Variants in AKAP6 observed in about 807,000 individuals in gnomAD.
AKAP6 encodes the protein A-kinase anchoring protein 6.
A neutral mutation model predicts 188.5 loss-of-function variants in AKAP6; 58 were observed. The observed-to-expected ratio is 0.31, with a 90% confidence interval of 0.25 to 0.38. The LOEUF (loss-of-function observed/expected upper bound fraction) is 0.38. Ranked by LOEUF, AKAP6 falls within the 10% of genes least tolerant of loss-of-function variation. AKAP6 has a pLI of 1.00. For synonymous variants in AKAP6, 989 were observed against 998.6 expected, an observed-to-expected ratio of 0.99 and a Z score of 0.18; for missense variants, 2,710 against 2,740.0, an observed-to-expected ratio of 0.99 and a Z score of 0.24.
chr14:32,515,297 G>A (rs1418474953), intron 2 of AKAP6, among the ~76,000 whole-genome samples: 1 of 152,000 alleles, frequency 6.6e-6, no homozygotes, highest in Admixed American at 6.6e-5. Flanking sequence ...ATCTCCACCC[G>A]GCCCCACCTT....
At chr14:32,726,025 A>C (rs1594885813) in intron 9 of AKAP6, among the ~76,000 whole-genome samples, 2 of 152,294 alleles carry the variant, frequency 1.3e-5, no homozygotes, top group African/African-American at 4.8e-5. Context: ...GACTGCCACA[A>C]AATTGCTAGA....
chr14:32,623,200 A>G (rs1886884116), intron 7 of AKAP6, among the ~76,000 whole-genome samples: 1 of 152,164 alleles, frequency 6.6e-6, no homozygotes, highest in Admixed American at 6.6e-5. Context: ...ACAGGATCTG[A>G]AATCTTGAAA....
Position 32,599,431 on chromosome 14 carries a change from A to G in AKAP6, c.2491A>G (p.Ser831Gly). The part of the protein sequence containing the change: ...THLSFKLNVD[S>G]HCALKEAVEE... ...GCAGAGTTTTAAGTTGAATGTAGAC[A>G]GTCATTGTGCTCTCAAGGAAGCTGT... Residue 831 changes from serine to glycine, a missense_variant, in exon 6 of 14, where the codon AGT becomes GGT. By Grantham distance (56) the Ser-to-Gly change is moderately conservative (BLOSUM62 0). Around this residue, in one of 2 missense-constraint regions of AKAP6, gnomAD observed 2,473 missense variants for 2,426.1 expected, o/e 1.02. Coordinates refer to ENST00000280979, the MANE Select transcript of AKAP6 (RefSeq NM_004274.5). 3.1e-6 allele frequency: 5 copies of G among 1,613,160 alleles called. No homozygotes were observed. Among genetic ancestry groups the G allele is most frequent in the South Asian group, 2.2e-5 (2 of 90,924 alleles).
At chr14:32,367,590 ATG>A (rs1030220447) in intron 1 of AKAP6, among the ~76,000 whole-genome samples, 1 of 152,150 alleles carries the variant, frequency 6.6e-6, no homozygotes, top group Non-Finnish European at 1.5e-5. Flanking sequence ...ACAGGAATGG[ATG>A]GCCATCAACT....
intron 1 of AKAP6, among the ~76,000 whole-genome samples, chr14:32,404,713 A>ATATATATATATATATATATATATATATAT (rs1566485643): frequency 6.2e-4 from 6 of 9,614 alleles, no homozygotes; most frequent in Admixed American, 2.8e-3. Context: ...TATATATATT[A>ATATATATATATATATATATATATATATAT]GTCAGAATGT....
intron 7 of AKAP6, among the ~76,000 whole-genome samples, chr14:32,602,461 C>G (rs1169569084): frequency 6.6e-6 from 1 of 152,102 alleles, no homozygotes; most frequent in African/African-American, 2.4e-5. Context: ...CACCACTGCA[C>G]TCCAACCTGG....
chr14:32,474,494 T>C (rs754015635), intron 2 of AKAP6: 4 of 151,206 alleles, frequency 2.6e-5, no homozygotes, highest in Non-Finnish European at 5.9e-5. Flanking sequence ...AGTTCTCTGA[T>C]GAAAAAGCTG....
intron 4 of AKAP6, among the ~76,000 whole-genome samples, chr14:32,570,156 G>A (rs1407235603): frequency 9.4e-6 from 1 of 106,622 alleles, no homozygotes; most frequent in Non-Finnish European, 1.8e-5. Context: ...TTTTGAGACA[G>A]AGTCTGTCTC....
chr14:32,538,517 CT>C lies in AKAP6; in HGVS notation c.576+2715del, dbSNP rs376913538. ...TCTTCTTGAAAAAACAATATATGAA[CT>C]TTATTCTTTATTTAAATATGGAGCA... On this transcript the variant is annotated intron_variant, in intron 3 of 13. Transcript: ENST00000280979. Among the ~76,000 whole-genome samples the C allele has an allele frequency of 6.9e-3, 1,044 of 151,908 alleles. 15 individuals are homozygous for C. The highest frequency in any genetic ancestry group is 0.024 in the African/African-American group (1,006 of 41,390).
intron 2 of AKAP6, among the ~76,000 whole-genome samples, chr14:32,497,800 T>C (rs553545191): frequency 1.4e-4 from 21 of 152,194 alleles, no homozygotes; most frequent in African/African-American, 4.8e-4. Flanking sequence ...GTTTTTGCTA[T>C]ATGTATTTTG....
intron 11 of AKAP6, among the ~76,000 whole-genome samples, chr14:32,758,350 G>A (rs773307365): frequency 6.6e-6 from 1 of 152,182 alleles, no homozygotes. Flanking sequence ...GTTTCTTGTG[G>A]GTTATCCTTG....
At chr14:32,630,777 T>C (rs923585537) in intron 7 of AKAP6, among the ~76,000 whole-genome samples, 1 of 152,066 alleles carries the variant, frequency 6.6e-6, no homozygotes, top group Non-Finnish European at 1.5e-5. Context: ...TTATTTTTCT[T>C]TATGATATTA....
chr14:32,697,283 G>A (rs1231425108), intron 9 of AKAP6, among the ~76,000 whole-genome samples: 1 of 152,132 alleles, frequency 6.6e-6, no homozygotes, highest in African/African-American at 2.4e-5. Flanking sequence ...AAGCTCCCCA[G>A]GGACCCAGCA....
At chr14:32,756,932 T>TG (rs1307494998) in intron 11 of AKAP6, among the ~76,000 whole-genome samples, 1 of 151,640 alleles carries the variant, frequency 6.6e-6, no homozygotes, top group African/African-American at 2.4e-5. Context: ...AGCCTGACAG[T>TG]GGGGGAGGCT....
chr14:32,514,118 G>A (rs1445476078), intron 2 of AKAP6, among the ~76,000 whole-genome samples: 1 of 152,124 alleles, frequency 6.6e-6, no homozygotes, highest in Admixed American at 6.5e-5. Context: ...CTTTCCAAAG[G>A]TTAATCGACA....
At chr14:32,556,022 AT>A (rs1883671917) in intron 4 of AKAP6, among the ~76,000 whole-genome samples, 2 of 151,326 alleles carry the variant, frequency 1.3e-5, no homozygotes, top group African/African-American at 2.4e-5. Context: ...AGGAATCTCC[AT>A]GCTATTTTTC....
In AKAP6 at chr14:32,546,293, A is replaced by C. The variant is rs750399978; in HGVS notation, c.1640A>C (p.Asn547Thr). ...TSKAIEGPQTNSASTSSLEPC... is the reference protein window; with the variant it reads ...TSKAIEGPQTTSASTSSLEPC... ...AAGGCCATAGAGGGGCCACAAACAA[A>C]TTCTGCTTCCACATCCTCACTTGAG... Residue 547 changes from asparagine (N) to threonine (T), a missense_variant, in exon 4 of 14, where the codon AAT (asparagine) becomes ACT (threonine). Physicochemically the swap from Asn to Thr is moderately conservative, Grantham distance 65. Coordinates refer to ENST00000280979, the MANE Select transcript of AKAP6 (RefSeq NM_004274.5). The C allele has an allele frequency of 1.2e-6, 2 of 1,614,154 alleles. No individual in the cohort carries two copies. Among genetic ancestry groups the C allele is most frequent in the South Asian group, 1.1e-5 (1 of 91,076 alleles).
Position 32,433,597 on chromosome 14 carries a change from A to G in AKAP6, c.104A>G (p.Glu35Gly). ...PMAINMTPTV[E>G]QGEGEEAMKD... is the part of the protein sequence containing the mutation. ...GCCATCAACATGACACCCACTGTGG[A>G]GCAGGGTGAGGGAGAAGAGGCAATG... Residue 35 changes from glutamate (E) to glycine (G), a missense_variant, in exon 2 of 14, where the codon GAG becomes GGG. By Grantham distance (98) the Glu-to-Gly change is moderately conservative. Transcript: ENST00000280979. The G allele has an allele frequency of 6.2e-7, 1 of 1,614,160 alleles. No homozygotes were observed. The highest frequency in any genetic ancestry group is 8.5e-7 in the Non-Finnish European group (1 of 1,180,020).
At chr14:32,772,246 T>C (rs1236315855) in intron 11 of AKAP6, among the ~76,000 whole-genome samples, 1 of 152,148 alleles carries the variant, frequency 6.6e-6, no homozygotes, top group Non-Finnish European at 1.5e-5. Context: ...ACTGAACCAA[T>C]TAATAGCAGC....
Sources: gnomAD v4.1 joint callset for allele counts (sites outside exome capture counted in the v4.1 genomes callset) on GRCh38, gnomAD v4.1.1 for gene constraint, gnomAD v4.1.1 regional missense constraint, MANE v1.5 for transcripts, NCBI Gene and HGNC (gene_info 2026-07-23, HGNC 2026-07-21) for gene names.